The following MYOZ3 variants were observed in gnomAD, a reference collection of about 807,000 sequenced individuals.
MYOZ3 encodes the protein myozenin-3.
A neutral mutation model predicts 26.5 loss-of-function variants in MYOZ3; 19 were observed. The observed-to-expected ratio is 0.72, with a 90% confidence interval of 0.50 to 1.05. MYOZ3 has a LOEUF of 1.05. MYOZ3 is among the 50% of genes least tolerant of loss of function. MYOZ3 has a pLI of 0.00. For synonymous variants in MYOZ3, 135 were observed against 138.8 expected (o/e 0.97, Z 0.19); for missense variants, 322 against 337.1 (o/e 0.96, Z 0.35).
chr5:150,671,148 C>T (rs1201075239), intron 3 of MYOZ3, among the ~76,000 whole-genome samples: 4 of 152,198 alleles, frequency 2.6e-5, no homozygotes, highest in African/African-American at 9.7e-5. Flanking sequence ...ATTCCATCCA[C>T]CCTCCACTTA....
chr5:150,662,993 A>C lies in MYOZ3; in HGVS notation c.52A>C (p.Thr18Pro). The C allele has an allele frequency of 6.2e-7, 1 of 1,611,330 alleles. No homozygotes were observed. The highest frequency in any genetic ancestry group is 8.5e-7 in the Non-Finnish European group (1 of 1,178,720). Residue 18 changes from threonine to proline, a missense_variant, in exon 2 of 7, where the codon ACT becomes CCT. Physicochemically the swap from Thr to Pro is conservative, Grantham distance 38. Coordinates refer to ENST00000517768, the MANE Select transcript of MYOZ3 (RefSeq NM_001122853.3). ...AGTGATGGCTGCCATGGGGGACCTC[A>C]CTGAACCAGGTAAGGTGGTTCTAGC... ...GPVMAAMGDL[T>P]EPVPTLDLGK...
rs1486074464 is a variant in MYOZ3, at chr5:150,679,291, T to G, written c.*2416T>G. ...CAAATCCTTTCTTCTTCTGAGAATG[T>G]GACTTTTTCTGGTGTTGTAAAAAAG... On this transcript the variant is annotated 3_prime_UTR_variant, in exon 7 of 7. Transcript: ENST00000517768. The G allele has an allele frequency of 6.6e-6, 1 of 152,168 alleles. No individual in the cohort carries two copies. Among genetic ancestry groups the G allele is most frequent in the African/African-American group, 2.4e-5 (1 of 41,386 alleles). 9.4% of individuals were successfully genotyped at this position (152,168 alleles called of 1,614,324 possible).
intron 5 of MYOZ3, chr5:150,672,117 C>G (rs773090259): frequency 9.5e-7 from 1 of 1,048,730 alleles, no homozygotes; most frequent in Non-Finnish European, 1.4e-6. Flanking sequence ...AAGACCAACC[C>G]GCGCTGCGAA....
At chr5:150,668,072 TTAATC>T (rs1180642518) in intron 2 of MYOZ3, among the ~76,000 whole-genome samples, 1 of 152,166 alleles carries the variant, frequency 6.6e-6, no homozygotes, top group East Asian at 1.9e-4. Flanking sequence ...TAAATCTCCT[TTAATC>T]TAAAGCAACC....
At chr5:150,665,290 C>T (rs1332831070) in intron 2 of MYOZ3, among the ~76,000 whole-genome samples, 1 of 152,124 alleles carries the variant, frequency 6.6e-6, no homozygotes, top group East Asian at 1.9e-4. Flanking sequence ...CTGTCCAGTT[C>T]AGTGTGACCC....
chr5:150,672,096 C>A, intron 5 of MYOZ3, 188 bp downstream of exon 5: 2 of 1,101,930 alleles, frequency 1.8e-6, no homozygotes, highest in Non-Finnish European at 2.7e-6. Flanking sequence ...CACAGCGAGT[C>A]AGCCAAGGCC....
chr5:150,676,184 T>C (rs1046857197), intron 6 of MYOZ3, among the ~76,000 whole-genome samples: 2 of 152,104 alleles, frequency 1.3e-5, no homozygotes, highest in Admixed American at 1.3e-4. Context: ...TCACTTCTAT[T>C]GCTAAGCAAC....
intron 1 of MYOZ3, among the ~76,000 whole-genome samples, chr5:150,662,638 T>C (rs1465424142): frequency 6.6e-6 from 1 of 152,064 alleles, no homozygotes; most frequent in Non-Finnish European, 1.5e-5. Flanking sequence ...GCACCTACTC[T>C]CCCTCTGATC....
intron 6 of MYOZ3, among the ~76,000 whole-genome samples, chr5:150,675,570 A>C (rs543771111): frequency 4.1e-4 from 63 of 152,172 alleles, no homozygotes; most frequent in Non-Finnish European, 8.1e-4. Flanking sequence ...ACGGGGTTTC[A>C]CCATGTGGGC....
chr5:150,670,885 CCAAA>C, intron 3 of MYOZ3: 2 of 37,868 alleles, frequency 5.3e-5, no homozygotes, highest in South Asian at 3.8e-3. Context: ...CTGGCTCCTA[CCAAA>C]AAAAAAAAAA....
chr5:150,665,767 G>A (rs111608298), intron 2 of MYOZ3, among the ~76,000 whole-genome samples: 2,273 of 151,448 alleles, frequency 0.015, 53 homozygotes, highest in African/African-American at 0.05. Flanking sequence ...TGGGGGAGGT[G>A]GCTCACGCCT....
chr5:150,671,588 C>G lies in MYOZ3; in HGVS notation c.217-9C>G, dbSNP rs746584047. Reference sequence around the variant, plus strand: ...TTCTCTGCGGTTTATTCTACCCCCTCGTTCCCAGATGCTGGCCGGAAGCGC... The same window carrying G: ...TTCTCTGCGGTTTATTCTACCCCCTGGTTCCCAGATGCTGGCCGGAAGCGC... On this transcript the variant is annotated splice_polypyrimidine_tract_variant and intron_variant, in intron 3 of 6. Coordinates refer to ENST00000517768, the MANE Select transcript of MYOZ3 (RefSeq NM_001122853.3). The G allele has an allele frequency of 6.2e-7, 1 of 1,613,792 alleles. No individual in the cohort carries two copies. Among genetic ancestry groups the G allele is most frequent in the Non-Finnish European group, 8.5e-7 (1 of 1,179,842 alleles).
intron 2 of MYOZ3, among the ~76,000 whole-genome samples, chr5:150,663,629 CTT>C (rs1213007821): frequency 6.6e-6 from 1 of 152,170 alleles, no homozygotes; most frequent in Non-Finnish European, 1.5e-5. Flanking sequence ...TAGAAGACCT[CTT>C]GAGGAACTCT....
intron 2 of MYOZ3, among the ~76,000 whole-genome samples, chr5:150,663,266 C>G (rs541330770): frequency 1.3e-5 from 2 of 152,372 alleles, no homozygotes; most frequent in South Asian, 4.1e-4. Context: ...GACCCTGGCC[C>G]TGGCTTCATC....
In MYOZ3 at chr5:150,670,601, A is replaced by G. The variant is rs777397930; in HGVS notation, c.179A>G (p.Gln60Arg). Residue 60 changes from glutamine (Q) to arginine (R), a missense_variant, in exon 3 of 7, where the codon CAG becomes CGG. Gln to Arg is a conservative substitution (Grantham distance 43). Transcript: ENST00000517768. ...TTCCAGAAGAGGCAGCGCCGTGTGC[A>G]GAAGTTCACTTTCGAGTTAGCAGCC... ...LLFQKRQRRV[Q>R]KFTFELAASQ... The G allele has an allele frequency of 4.3e-6, 7 of 1,612,470 alleles. No homozygotes were observed. Among genetic ancestry groups the G allele is most frequent in the African/African-American group, 4.0e-5 (3 of 75,006 alleles).
chr5:150,679,336 T>C lies in MYOZ3; in HGVS notation c.*2461T>C, dbSNP rs1203755078. ...AAAAAGAAAAAAAAAAGAATGCTCA[T>C]TGTAAAAATAAAAAAATAATAATAA... On this transcript the variant is annotated 3_prime_UTR_variant, in exon 7 of 7. Transcript: ENST00000517768. The C allele has an allele frequency of 6.6e-6, 1 of 152,226 alleles. No individual in the cohort carries two copies. Among genetic ancestry groups the C allele is most frequent in the Non-Finnish European group, 1.5e-5 (1 of 68,020 alleles). 9.4% of individuals were successfully genotyped at this position (152,226 alleles called of 1,614,324 possible). A position where few individuals can be genotyped will look rare whatever the true frequency, so the allele number is the denominator to read the frequency against.
chr5:150,663,011 G>C lies in MYOZ3; in HGVS notation c.61+9G>C. ...GGACCTCACTGAACCAGGTAAGGTG[G>C]TTCTAGCCTCATGCCTTCCTCAGAC... On this transcript the variant is annotated intron_variant, in intron 2 of 6. Coordinates refer to ENST00000517768, the MANE Select transcript of MYOZ3 (RefSeq NM_001122853.3). 1 of 1,602,540 alleles carries C rather than the reference G, an allele frequency of 6.2e-7. No individual in the cohort carries two copies. Among genetic ancestry groups the C allele is most frequent in the Non-Finnish European group, 8.5e-7 (1 of 1,174,452 alleles).
rs758552108 is a variant in MYOZ3 at position 150,670,596 on chromosome 5, T to G, written c.174T>G (p.Arg58=). ...TCCTCTTCCAGAAGAGGCAGCGCCGTGTGCAGAAGTTCACTTTCGAGTTAG... is the reference window on the plus strand; with the variant it reads ...TCCTCTTCCAGAAGAGGCAGCGCCGGGTGCAGAAGTTCACTTTCGAGTTAG... ...GSLLFQKRQR[R]VQKFTFELAA... is the part of the protein sequence containing the mutation. The change falls in exon 3 of 7, where the codon CGT becomes CGG. Residue 58 remains arginine, a synonymous_variant. Transcript: ENST00000517768. 1.2e-6 allele frequency: 2 copies of G among 1,612,484 alleles called. No individual in the cohort carries two copies. Among genetic ancestry groups the G allele is most frequent in the Non-Finnish European group, 1.7e-6 (2 of 1,179,022 alleles).
At position 150,671,614 on chromosome 5, in the gene MYOZ3, C is replaced by T; in HGVS notation, c.234C>T (p.Ala78=). ...GTTCCCAGATGCTGGCCGGAAGCGCCAGGAGGAAGGTGACTGGAACAGCGG... is the reference window on the plus strand; with the variant it reads ...GTTCCCAGATGCTGGCCGGAAGCGCTAGGAGGAAGGTGACTGGAACAGCGG... ...ASQRAMLAGS[A]RRKVTGTAES... is the part of the protein sequence containing the mutation. The change falls in exon 4 of 7, where the codon GCC becomes GCT. Residue 78 remains alanine, a synonymous_variant. Transcript: ENST00000517768. 1 of 1,613,846 alleles carries T rather than the reference C, an allele frequency of 6.2e-7. No homozygotes were observed. The highest frequency in any genetic ancestry group is 1.1e-5 in the South Asian group (1 of 91,072).
Sources: allele counts gnomAD v4.1 joint callset (sites outside exome capture counted in the v4.1 genomes callset), GRCh38; gene constraint gnomAD v4.1.1; transcripts MANE v1.5; gene names NCBI Gene and HGNC (gene_info 2026-07-23, HGNC 2026-07-21).